The following TLCD3B variants were observed in gnomAD, a reference collection of about 807,000 sequenced individuals.
TLCD3B encodes the protein TLC domain containing 3B.
In TLCD3B, 9 loss-of-function variants were observed where a neutral mutation model predicts 23.0. That is an observed-to-expected ratio of 0.39 (90% CI 0.24 to 0.68). The LOEUF (loss-of-function observed/expected upper bound fraction) is 0.68. Ranked by LOEUF, TLCD3B falls within the 30% of genes least tolerant of loss-of-function variation. TLCD3B has a pLI of 0.44. For missense variants in TLCD3B, 307 were observed against 371.8 expected (o/e 0.83, Z 1.43); for synonymous variants, 161 against 161.0 (o/e 1.00, Z 0.00).
upstream of TLCD3B, chr16:30,035,103 G>T (rs138565439): frequency 9.9e-3 from 2,636 of 267,356 alleles, 71 homozygotes; most frequent in African/African-American, 0.055. Flanking sequence ...GTTCAGACAG[G>T]GTTTCACCAT....
chr16:30,044,154 A>T (rs2069828338), intron 2 of TLCD3B, among the ~76,000 whole-genome samples: 1 of 149,624 alleles, frequency 6.7e-6, no homozygotes, highest in South Asian at 2.1e-4. Flanking sequence ...GTGCCATCAC[A>T]CTTGGCTAAT....
At chr16:30,050,297 G>A (rs944861147) in intron 1 of TLCD3B, among the ~76,000 whole-genome samples, 3 of 152,190 alleles carry the variant, frequency 2.0e-5, no homozygotes, top group Non-Finnish European at 4.4e-5. Context: ...CCAGCAATTC[G>A]AGAGGCTGAG....
rs1040961694 is a variant in TLCD3B at position 30,051,314 on chromosome 16, A to G, written c.-294+1460T>C. 2.5e-4 allele frequency among the ~76,000 whole-genome samples: 38 copies of G among 151,844 alleles called. 1 individual carries two copies. Among genetic ancestry groups the G allele is most frequent in the African/African-American group, 9.0e-4 (37 of 41,304 alleles). On this transcript the variant is annotated intron_variant, in intron 1 of 6. Transcript: ENST00000561666. Reference sequence around the variant, plus strand: ...TTTGGGAGGCCAAGGCGGGCAGAACACCTAAGGTCGGGAGTTCGAGACCAG... The same window carrying G: ...TTTGGGAGGCCAAGGCGGGCAGAACGCCTAAGGTCGGGAGTTCGAGACCAG...
At chr16:30,034,177 C>T (rs983770577), upstream of TLCD3B, among the ~76,000 whole-genome samples, 1 of 151,180 alleles carries the variant, frequency 6.6e-6, no homozygotes, top group Non-Finnish European at 1.5e-5. Flanking sequence ...GGAGTCAGCC[C>T]GATTCTCAGG....
upstream of TLCD3B, chr16:30,036,058 C>T (rs2071466782): frequency 1.7e-6 from 2 of 1,156,038 alleles, no homozygotes; most frequent in Admixed American, 3.5e-5. Context: ...CCACTGCACC[C>T]AGCTCCTCCT....
rs1197039638 is a variant in TLCD3B at position 30,039,111 on chromosome 16, T to C, written c.-67+1884A>G. ...CTCCTCCTCCTTCCTCTCTTTTTTT[T>C]TTTTTTTTTTTTTTTTTTTTTTAGA... On this transcript the variant is annotated intron_variant, in intron 3 of 6. Transcript: ENST00000561666. Among the ~76,000 whole-genome samples, 33 of 136,418 alleles carry C rather than the reference T, an allele frequency of 2.4e-4. 1 individual carries two copies. Among genetic ancestry groups the C allele is most frequent in the South Asian group, 7.4e-4 (3 of 4,054 alleles). The allele number at this position is 136,418 out of a possible 152,430, so 89.5% of individuals were successfully genotyped here.
intron 2 of TLCD3B, among the ~76,000 whole-genome samples, chr16:30,043,766 C>T (rs907436999): frequency 3.5e-4 from 53 of 152,096 alleles, no homozygotes; most frequent in Admixed American, 3.5e-3. Context: ...TTCCTGCAAC[C>T]TCCATTTGCC....
intron 3 of TLCD3B, chr16:30,036,511 T>C: frequency 1.0e-6 from 1 of 986,876 alleles, no homozygotes; most frequent in Admixed American, 3.6e-5. Context: ...CTTCTCGGGA[T>C]AAAAGGAAGG....
Position 30,029,673 on chromosome 16 carries a change from C to G in TLCD3B, c.126-158G>C. On this transcript the variant is annotated intron_variant, in intron 1 of 4. Coordinates refer to ENST00000380495, the MANE Select transcript of TLCD3B (RefSeq NM_031478.6). This position sits in a 1 kb window ranked among gnomAD's most constrained non-coding sequence, Gnocchi z 4.6. ...CCAAGGCTGGGCTGCCTGAGGTGTGCCCCACCACAGGTACCTCACGGCTCT... is the reference window on the plus strand; with the variant it reads ...CCAAGGCTGGGCTGCCTGAGGTGTGGCCCACCACAGGTACCTCACGGCTCT... 3.0e-6 allele frequency: 2 copies of G among 663,380 alleles called. No individual in the cohort carries two copies. Among genetic ancestry groups the G allele is most frequent in the Non-Finnish European group, 5.4e-6 (2 of 372,928 alleles). The allele number at this position is 663,380 out of a possible 1,614,324, so 41.1% of individuals were successfully genotyped here.
chr16:30,031,458 C>G (rs1192302349), upstream of TLCD3B, among the ~76,000 whole-genome samples: 1 of 152,172 alleles, frequency 6.6e-6, no homozygotes, highest in Non-Finnish European at 1.5e-5. Flanking sequence ...CCTGAGCCCC[C>G]ACAGGGGCCT....
rs542231399 is a variant in TLCD3B, at chr16:30,025,144, G to A, written c.*39C>T. ...CAGCCCCAGAGCCCTGTCTCCACGGGGGTGGGGGTGGGGAGGGGGAGGGTC... is the reference window on the plus strand; with the variant it reads ...CAGCCCCAGAGCCCTGTCTCCACGGAGGTGGGGGTGGGGAGGGGGAGGGTC... On this transcript the variant is annotated 3_prime_UTR_variant, in exon 5 of 5. Transcript: ENST00000380495. The surrounding 1 kb of genome is among the most constrained non-coding windows in gnomAD (Gnocchi z 4.1). 4.6e-5 allele frequency: 60 copies of A among 1,293,148 alleles called. No homozygotes were observed. Among genetic ancestry groups the A allele is most frequent in the Admixed American group, 1.5e-4 (5 of 33,862 alleles). The allele number at this position is 1,293,148 out of a possible 1,614,324, so 80.1% of individuals were successfully genotyped here.
At chr16:30,031,527 T>C, upstream of TLCD3B, among the ~76,000 whole-genome samples, 1 of 152,166 alleles carries the variant, frequency 6.6e-6, no homozygotes, top group East Asian at 1.9e-4. Context: ...CACCAAGCCA[T>C]CCCTCTGTGG....
chr16:30,038,634 C>T (rs572949637), intron 3 of TLCD3B, among the ~76,000 whole-genome samples: 1 of 152,198 alleles, frequency 6.6e-6, no homozygotes, highest in African/African-American at 2.4e-5. Flanking sequence ...CCTGTAATCC[C>T]AGCTACTTGG....
chr16:30,036,882 C>T (rs1163847751), intron 3 of TLCD3B, among the ~76,000 whole-genome samples: 1 of 151,412 alleles, frequency 6.6e-6, no homozygotes, highest in African/African-American at 2.4e-5. Context: ...GTCAGGAGTT[C>T]GAGACCATAC....
chr16:30,044,483 A>T (rs2071626420), intron 2 of TLCD3B, among the ~76,000 whole-genome samples: 1 of 142,320 alleles, frequency 7.0e-6, no homozygotes, highest in Admixed American at 7.0e-5. Context: ...AATTGTTTGT[A>T]TTTTTTTTAG....
intron 1 of TLCD3B, among the ~76,000 whole-genome samples, chr16:30,052,539 A>G (rs755261834): frequency 2.0e-5 from 3 of 150,920 alleles, no homozygotes; most frequent in Non-Finnish European, 3.0e-5. Flanking sequence ...TCTACTAAAA[A>G]TACAAAAATT....
chr16:30,045,114 A>AAC (rs2071641165), intron 2 of TLCD3B, among the ~76,000 whole-genome samples: 1 of 150,972 alleles, frequency 6.6e-6, no homozygotes, highest in Non-Finnish European at 1.5e-5. Flanking sequence ...AAAAAAAAAA[A>AAC]AAAAAGAACA....
At chr16:30,030,347 A>C in intron 1 of TLCD3B, 56 bp downstream of exon 1, 2 of 1,486,894 alleles carry the variant, frequency 1.3e-6, no homozygotes, top group Non-Finnish European at 1.8e-6. Context: ...GGTCCCTTCC[A>C]TTCCCTGAGA....
intron 3 of TLCD3B, chr16:30,036,392 G>T: frequency 7.8e-7 from 1 of 1,286,334 alleles, no homozygotes; most frequent in Non-Finnish European, 1.0e-6. Flanking sequence ...TGTTTAGAAA[G>T]ACCTCCCCTC....
Sources: gnomAD v4.1 joint callset for allele counts (sites outside exome capture counted in the v4.1 genomes callset) on GRCh38, gnomAD v4.1.1 for gene constraint, Gnocchi (gnomAD v3.1) non-coding constraint, MANE v1.5 for transcripts, NCBI Gene and HGNC (gene_info 2026-07-23, HGNC 2026-07-21) for gene names.